Variants in HECTD4 observed in about 807,000 individuals in gnomAD.
HECTD4 encodes the protein probable E3 ubiquitin-protein ligase HECTD4.
Under a neutral mutation model 471.5 loss-of-function variants are expected in HECTD4, and 114 were observed. That is an observed-to-expected ratio of 0.24 (90% confidence interval 0.21 to 0.28). The LOEUF (loss-of-function observed/expected upper bound fraction) is 0.28, where lower values mean the gene tolerates loss of function less well. Ranked by LOEUF, HECTD4 falls within the 10% of genes least tolerant of loss-of-function variation. The probability of loss-of-function intolerance (pLI) is 1.00; values close to 1 mark genes in which losing one functional copy is unlikely to be tolerated. For synonymous variants in HECTD4, 2,012 were observed against 2,256.0 expected, an observed-to-expected ratio of 0.89 and a Z score of 3.07; for missense variants, 3,866 against 5,651.5, an observed-to-expected ratio of 0.68 and a Z score of 10.13.
chr12:112,270,044 T>A (rs1365178138), intron 12 of HECTD4, among the ~76,000 whole-genome samples, 183 bp downstream of exon 12: 1 of 152,236 alleles, frequency 6.6e-6, no homozygotes, highest in African/African-American at 2.4e-5. Flanking sequence ...ACGCTATGTA[T>A]AGCAATACTC....
intron 64 of HECTD4, among the ~76,000 whole-genome samples, chr12:112,177,974 C>G (rs2031517291): frequency 6.6e-6 from 1 of 152,204 alleles, no homozygotes; most frequent in African/African-American, 2.4e-5. Flanking sequence ...TCATTCAAAA[C>G]TTATGAAAAT....
chr12:112,178,353 A>G (rs928693387), intron 64 of HECTD4, among the ~76,000 whole-genome samples: 1 of 152,214 alleles, frequency 6.6e-6, no homozygotes, highest in Admixed American at 6.5e-5. Flanking sequence ...ATAACTATGC[A>G]TTATTTGTGT....
At position 112,323,971 on chromosome 12, in the gene HECTD4, TTCCTTCCTTCCTTCCTTC is replaced by T. The variant is rs2035653441; in HGVS notation, c.178-4247_178-4230del. Among the ~76,000 whole-genome samples, 4 of 27,492 alleles carry T rather than the reference TTCCTTCCTTCCTTCCTTC, an allele frequency of 1.5e-4. 1 individual carries two copies. The highest frequency in any genetic ancestry group is 6.5e-4 in the Admixed American group (2 of 3,080). 18.0% of individuals were successfully genotyped at this position (27,492 alleles called of 152,430 possible). A position where few individuals can be genotyped will look rare whatever the true frequency, so the allele number is the denominator to read the frequency against. ...GCTTCTTTCTTTCTTTCTTTCTTCC[TTCCTTCCTTCCTTCCTTC>T]CTTCCTTCCTTCCTTCCTTCCTTCC... On this transcript the variant is annotated intron_variant, in intron 1 of 75. Transcript: ENST00000682272.
At chr12:112,318,897 C>T (rs551179556) in intron 2 of HECTD4, among the ~76,000 whole-genome samples, 1 of 152,328 alleles carries the variant, frequency 6.6e-6, no homozygotes, top group South Asian at 2.1e-4. Context: ...ACATAACATC[C>T]TCTGCTAACT....
chr12:112,201,536 C>T (rs909183604), intron 54 of HECTD4: 2 of 152,364 alleles, frequency 1.3e-5, no homozygotes, highest in Admixed American at 1.3e-4. Flanking sequence ...AACACACAAA[C>T]AACCAGACTA....
At chr12:112,216,993 A>T (rs1566075863) in intron 46 of HECTD4, 41 bp downstream of exon 46, 1 of 1,594,808 alleles carries the variant, frequency 6.3e-7, no homozygotes, top group East Asian at 2.3e-5. Flanking sequence ...TTTCTTTCAA[A>T]TCTGAAGATG....
intron 7 of HECTD4, among the ~76,000 whole-genome samples, chr12:112,293,364 CAAA>C (rs754332904): frequency 8.6e-5 from 6 of 69,868 alleles, no homozygotes; most frequent in Admixed American, 3.1e-4. Flanking sequence ...GACTCTGTCT[CAAA>C]AAAAAAAAAA....
At chr12:112,208,745 A>C (rs2032668277) in intron 50 of HECTD4, 115 bp from the exon 51 acceptor site, 2 of 794,096 alleles carry the variant, frequency 2.5e-6, no homozygotes, top group Admixed American at 7.1e-5. Context: ...GAAGACTCCT[A>C]GTACACTGAG....
In HECTD4 at chr12:112,179,166, GC is replaced by G. The variant is rs752774849; in HGVS notation, c.11211+7del. 4.4e-5 allele frequency: 71 copies of G among 1,613,378 alleles called. No individual in the cohort carries two copies. The highest frequency in any genetic ancestry group is 5.8e-5 in the Non-Finnish European group (68 of 1,179,708). Reference sequence around the variant, plus strand: ...CCCGGCCTGGGTATGGTGGGGACGGGCAGCTACCTGGGTGAGCTGATCCTCC... The same window carrying G: ...CCCGGCCTGGGTATGGTGGGGACGGGAGCTACCTGGGTGAGCTGATCCTCC... On this transcript the variant is annotated splice_region_variant and intron_variant, in intron 63 of 75. Transcript: ENST00000682272. This position sits in a 1 kb window ranked among gnomAD's most constrained non-coding sequence, Gnocchi z 4.3.
Position 112,183,141 on chromosome 12 carries a change from G to A in HECTD4, c.10905C>T (p.Thr3635=), listed in dbSNP as rs546930393. ...AGAGACTCTGATTTACTACAGACAC[G>A]GTTAGAATCTCTTCTGTTGACATTT... The part of the protein sequence containing the change: ...LMEMSTEEIL[T]VSVVNQSLFD... The change falls in exon 62 of 76, where the codon ACC becomes ACT. Residue 3635 remains threonine, a synonymous_variant. Coordinates refer to ENST00000682272, the MANE Select transcript of HECTD4 (RefSeq NM_001388303.1). 9.9e-6 allele frequency: 16 copies of A among 1,613,286 alleles called. No homozygotes were observed. The highest frequency in any genetic ancestry group is 1.6e-4 in the Middle Eastern group (1 of 6,062).
rs780678102 is a variant in HECTD4, at chr12:112,264,158, T to C, written c.2674A>G (p.Asn892Asp). 1.1e-5 allele frequency: 17 copies of C among 1,607,028 alleles called. No individual in the cohort carries two copies. Among genetic ancestry groups the C allele is most frequent in the Non-Finnish European group, 1.4e-5 (16 of 1,176,658 alleles). ...TCATCAGGTTTAATCAAAATAGTGT[T>C]ACTGAGAAGGTGATTCTGAACTGCC... ...LMAVQNHLLS[N>D]TILIKPDEND... is the part of the protein sequence containing the mutation. Residue 892 changes from asparagine (N) to aspartate (D), a missense_variant, in exon 17 of 76, where the codon AAC becomes GAC. By Grantham distance (23) the Asn-to-Asp change is conservative (BLOSUM62 1). Transcript: ENST00000682272.
At chr12:112,352,087 TAAG>T (rs2036255551) in intron 1 of HECTD4, among the ~76,000 whole-genome samples, 2 of 152,240 alleles carry the variant, frequency 1.3e-5, no homozygotes, top group Non-Finnish European at 1.5e-5. Context: ...CTTTTCCTAT[TAAG>T]AAGCTTTTGC....
intron 7 of HECTD4, among the ~76,000 whole-genome samples, chr12:112,287,146 C>G (rs554349957): frequency 6.6e-6 from 1 of 152,328 alleles, no homozygotes; most frequent in South Asian, 2.1e-4. Context: ...GCCCCGCAAG[C>G]TAAAGGAGCT....
Position 112,270,378 on chromosome 12 carries a change from A to G in HECTD4, c.2024T>C (p.Leu675Pro). The G allele has an allele frequency of 3.7e-6, 6 of 1,614,000 alleles. No individual in the cohort carries two copies. Among genetic ancestry groups the G allele is most frequent in the Non-Finnish European group, 5.1e-6 (6 of 1,179,896 alleles). The change falls in exon 12 of 76, where the codon CTT becomes CCT. Residue 675 changes from leucine to proline, a missense_variant. Physicochemically the swap from Leu to Pro is moderately conservative, Grantham distance 98. Around this residue, in one of 16 missense-constraint regions of HECTD4, gnomAD observed 525 missense variants for 672.6 expected, o/e 0.78. Coordinates refer to ENST00000682272, the MANE Select transcript of HECTD4 (RefSeq NM_001388303.1). Reference sequence around the variant, plus strand: ...GATTGGAAGATTGGGGTTGGTGGCAAGAAGATTGAGTTGGTGTATGCACAT... The same window carrying G: ...GATTGGAAGATTGGGGTTGGTGGCAGGAAGATTGAGTTGGTGTATGCACAT... ...GAMCIHQLNL[L>P]ATNPNLPITS... is the part of the protein sequence containing the mutation.
At chr12:112,176,478 A>C in intron 65 of HECTD4, 118 bp downstream of exon 65, 1 of 697,076 alleles carries the variant, frequency 1.4e-6, no homozygotes. Context: ...CCCAGAGCAG[A>C]GGCCATCCCA....
chr12:112,304,202 C>A (rs2035226541), intron 7 of HECTD4, among the ~76,000 whole-genome samples: 1 of 141,966 alleles, frequency 7.0e-6, no homozygotes, highest in African/African-American at 2.6e-5. Context: ...TCAGGGAATT[C>A]TTCAATGTTC....
chr12:112,364,632 G>A (rs2036525256), intron 1 of HECTD4, among the ~76,000 whole-genome samples: 1 of 152,106 alleles, frequency 6.6e-6, no homozygotes, highest in Non-Finnish European at 1.5e-5. Context: ...TAGAGGCTGA[G>A]GCACTTGAAT....
intron 17 of HECTD4, chr12:112,262,091 G>C (rs1380460575): frequency 6.6e-6 from 1 of 152,076 alleles, no homozygotes; most frequent in African/African-American, 2.4e-5. Flanking sequence ...GAAATGTTTA[G>C]TTTACAATTA....
At chr12:112,298,221 GTT>G (rs1185185732) in intron 7 of HECTD4, among the ~76,000 whole-genome samples, 2 of 152,092 alleles carry the variant, frequency 1.3e-5, no homozygotes, top group East Asian at 3.9e-4. Flanking sequence ...AGGAGAGTTG[GTT>G]TTGTTTTTTC....
Sources: allele counts gnomAD v4.1 joint callset (sites outside exome capture counted in the v4.1 genomes callset), GRCh38; gene constraint gnomAD v4.1.1; regional missense constraint gnomAD v4.1.1; non-coding constraint Gnocchi (gnomAD v3.1); transcripts MANE v1.5; gene names NCBI Gene and HGNC (gene_info 2026-07-23, HGNC 2026-07-21).